Variants in AUTS2 observed in about 807,000 individuals in gnomAD.
AUTS2 encodes the protein activator of transcription and developmental regulator AUTS2, also known as autism susceptibility gene 2 protein.
In AUTS2, 17 loss-of-function variants were observed where a neutral mutation model predicts 112.4. The observed-to-expected ratio is 0.15, with a 90% confidence interval of 0.10 to 0.23. The LOEUF (loss-of-function observed/expected upper bound fraction) is 0.23, where lower values mean the gene tolerates loss of function less well. Ranked by LOEUF, AUTS2 falls within the 10% of genes least tolerant of loss-of-function variation. AUTS2 has a pLI of 1.00. For missense variants in AUTS2, 1,510 were observed against 1,701.6 expected (o/e 0.89, Z 1.98); for synonymous variants, 751 against 702.7 (o/e 1.07, Z -1.09).
chr7:70,041,388 A>G (rs1324564051), intron 2 of AUTS2, among the ~76,000 whole-genome samples: 4 of 152,122 alleles, frequency 2.6e-5, no homozygotes, highest in Non-Finnish European at 5.9e-5. Context: ...ATGTGTTTTC[A>G]TTAGGATCCC....
chr7:70,278,809 G>A (rs942207154), intron 4 of AUTS2, among the ~76,000 whole-genome samples: 2 of 152,128 alleles, frequency 1.3e-5, no homozygotes, highest in Non-Finnish European at 2.9e-5. Flanking sequence ...GGTTGTTGTC[G>A]TTCTTTTAGG....
At chr7:69,781,009 C>T (rs1268394603) in intron 1 of AUTS2, among the ~76,000 whole-genome samples, 2 of 152,318 alleles carry the variant, frequency 1.3e-5, no homozygotes, top group South Asian at 2.1e-4. Context: ...CCTACTGCTC[C>T]TATTCCCCAA....
intron 4 of AUTS2, among the ~76,000 whole-genome samples, chr7:70,172,386 G>A (rs1004529365): frequency 1.3e-5 from 2 of 152,140 alleles, no homozygotes; most frequent in Non-Finnish European, 1.5e-5. Context: ...AACCTTCTTC[G>A]TAATTAAAGA....
intron 5 of AUTS2, among the ~76,000 whole-genome samples, chr7:70,505,966 C>T (rs571102431): frequency 1.3e-5 from 2 of 152,292 alleles, no homozygotes; most frequent in South Asian, 2.1e-4. Flanking sequence ...TTCCAGGCTC[C>T]GAGTAGAAGT....
At chr7:69,983,780 A>G (rs916748875) in intron 2 of AUTS2, among the ~76,000 whole-genome samples, 1 of 150,056 alleles carries the variant, frequency 6.7e-6, no homozygotes, top group East Asian at 1.9e-4. Context: ...TGACCCATTC[A>G]TACACTTATG....
At chr7:69,734,666 G>T (rs117790828) in intron 1 of AUTS2, among the ~76,000 whole-genome samples, 2,152 of 151,494 alleles carry the variant, frequency 0.014, 19 homozygotes, top group Non-Finnish European at 0.023. Flanking sequence ...CCCCATAATG[G>T]TAGGTTCTTA....
chr7:70,453,510 C>A (rs555686132), intron 5 of AUTS2, among the ~76,000 whole-genome samples: 1 of 152,194 alleles, frequency 6.6e-6, no homozygotes, highest in Admixed American at 6.5e-5. Context: ...ACAAACTTGG[C>A]GGCTTAAAAC....
In AUTS2 at chr7:70,185,258, T is replaced by C. The variant is rs1220017662; in HGVS notation, c.660+50687T>C. Among the ~76,000 whole-genome samples, 3 of 81,304 alleles carry C rather than the reference T, an allele frequency of 3.7e-5. No individual in the cohort carries two copies. In the East Asian group the frequency reaches 9.5e-4, roughly 26 times the overall value. 53.3% of individuals were successfully genotyped at this position (81,304 alleles called of 152,430 possible). A position where few individuals can be genotyped will look rare whatever the true frequency, so the allele number is the denominator to read the frequency against. On this transcript the variant is annotated intron_variant, in intron 4 of 18. Coordinates refer to ENST00000342771, the MANE Select transcript of AUTS2 (RefSeq NM_015570.4). ...GCTTTGGGCCTAAATGACATTAAACTTTTTTTTTTTTTTTTTTTTTTTTTT... is the reference window on the plus strand; with the variant it reads ...GCTTTGGGCCTAAATGACATTAAACCTTTTTTTTTTTTTTTTTTTTTTTTT...
intron 2 of AUTS2, among the ~76,000 whole-genome samples, chr7:70,103,305 G>C (rs904570336): frequency 3.3e-5 from 5 of 152,126 alleles, no homozygotes; most frequent in African/African-American, 1.2e-4. Flanking sequence ...TTTAATCCCA[G>C]GTTAACCTGA....
Position 70,087,047 on chromosome 7 carries a change from C to T in AUTS2, c.523-31085C>T, listed in dbSNP as rs570929768. ...GAGTGTACATGCGTTTTCATTTTAACTCATATTATGGGGAAGCATTTGGTG... is the reference window on the plus strand; with the variant it reads ...GAGTGTACATGCGTTTTCATTTTAATTCATATTATGGGGAAGCATTTGGTG... On this transcript the variant is annotated intron_variant, in intron 2 of 18. Transcript: ENST00000342771. Among the ~76,000 whole-genome samples the T allele has an allele frequency of 5.3e-5, 8 of 151,312 alleles. No individual in the cohort carries two copies. The South Asian group carries it at 1.5e-3, about 28-fold the overall frequency.
chr7:70,470,888 AC>A (rs1383413727), intron 5 of AUTS2, among the ~76,000 whole-genome samples: 1 of 152,062 alleles, frequency 6.6e-6, no homozygotes, highest in Non-Finnish European at 1.5e-5. Context: ...TGGGGATCTG[AC>A]CCGCGGCAGT....
intron 1 of AUTS2, among the ~76,000 whole-genome samples, chr7:69,607,971 G>A (rs1792821460): frequency 2.0e-5 from 3 of 152,026 alleles, no homozygotes; most frequent in Non-Finnish European, 2.9e-5. Flanking sequence ...TCTTTCTTTG[G>A]TTGCCCAGGC....
chr7:70,487,340 A>T (rs1022908718), intron 5 of AUTS2, among the ~76,000 whole-genome samples: 4 of 152,170 alleles, frequency 2.6e-5, no homozygotes, highest in Non-Finnish European at 5.9e-5. Context: ...TTAATTTAAT[A>T]TGCTAAAGTG....
intron 14 of AUTS2, 150 bp from the exon 15 acceptor site, chr7:70,781,465 G>A (rs2129559926): frequency 1.1e-6 from 1 of 897,064 alleles, no homozygotes. Flanking sequence ...ATTTGAGGGT[G>A]AAATGGTTTT....
intron 4 of AUTS2, among the ~76,000 whole-genome samples, chr7:70,224,326 G>GTACAATACAA (rs1811640677): frequency 8.9e-6 from 1 of 111,904 alleles, no homozygotes; most frequent in South Asian, 3.0e-4. Flanking sequence ...ATACAATACA[G>GTACAATACAA]TACAGTACAA....
intron 4 of AUTS2, among the ~76,000 whole-genome samples, chr7:70,262,230 C>T (rs1034488082): frequency 6.6e-6 from 1 of 152,064 alleles, no homozygotes; most frequent in Non-Finnish European, 1.5e-5. Context: ...CGCTCTGTCA[C>T]CCAGGCTGGA....
intron 5 of AUTS2, among the ~76,000 whole-genome samples, chr7:70,580,787 T>G (rs1802397681): frequency 6.6e-6 from 1 of 152,130 alleles, no homozygotes; most frequent in African/African-American, 2.4e-5. Flanking sequence ...GAACAGGAAG[T>G]TTTACGTTGT....
intron 6 of AUTS2, among the ~76,000 whole-genome samples, chr7:70,727,407 T>G (rs1189176602): frequency 6.6e-6 from 1 of 152,192 alleles, no homozygotes. Flanking sequence ...TGGAGTGCAA[T>G]GGTGCAGTCT....
chr7:70,695,062 GGC>G (rs1172909039), intron 5 of AUTS2: 1 of 152,254 alleles, frequency 6.6e-6, no homozygotes, highest in African/African-American at 2.4e-5. Context: ...AAGCCCCCGG[GGC>G]GCGGCTCGCT....
Sources: gnomAD v4.1 joint callset for allele counts (sites outside exome capture counted in the v4.1 genomes callset) on GRCh38, gnomAD v4.1.1 for gene constraint, MANE v1.5 for transcripts, NCBI Gene and HGNC (gene_info 2026-07-23, HGNC 2026-07-21) for gene names.